The following UBE2W variants were observed in gnomAD, a reference collection of about 807,000 sequenced individuals.
UBE2W encodes the protein ubiquitin-conjugating enzyme E2 W.
In UBE2W, 18 loss-of-function variants were observed where a neutral mutation model predicts 27.2. The ratio of observed to expected loss-of-function variants is 0.66; its 90% CI spans 0.46 to 0.98. UBE2W has a LOEUF of 0.98. Among genes scored for constraint, UBE2W ranks in the 50% least tolerant of loss-of-function variants. The pLI is 0.00. For synonymous variants in UBE2W, 53 were observed against 57.2 expected, an observed-to-expected ratio of 0.93 and a Z score of 0.33; for missense variants, 90 against 180.2, an observed-to-expected ratio of 0.50 and a Z score of 2.87.
chr8:73,781,619 G>GTTTTTT (rs112691687), downstream of UBE2W, among the ~76,000 whole-genome samples: 2 of 140,880 alleles, frequency 1.4e-5, no homozygotes. Context: ...TCAGGTTTGG[G>GTTTTTT]TTTTTTTTTT....
At chr8:73,869,204 G>A (rs1280786131) in intron 1 of UBE2W, among the ~76,000 whole-genome samples, 2 of 152,168 alleles carry the variant, frequency 1.3e-5, no homozygotes, top group Non-Finnish European at 2.9e-5. Context: ...GGCAGGAGGG[G>A]TGCTGAGACT....
intron 2 of UBE2W, among the ~76,000 whole-genome samples, 157 bp downstream of exon 2, chr8:73,830,224 T>TTA (rs894357871): frequency 6.6e-6 from 1 of 152,154 alleles, no homozygotes; most frequent in African/African-American, 2.4e-5. Flanking sequence ...ACAAAATTGA[T>TTA]TATATATATA....
chr8:73,795,264 C>A (rs140631546), intron 5 of UBE2W, among the ~76,000 whole-genome samples: 1 of 152,070 alleles, frequency 6.6e-6, no homozygotes, highest in African/African-American at 2.4e-5. Context: ...GGGAGGTGTT[C>A]GGGTCATGGG....
Position 73,848,724 on chromosome 8 carries a change from T to G in UBE2W, c.16-18252A>C, listed in dbSNP as rs559909569. 3.2e-3 allele frequency among the ~76,000 whole-genome samples: 481 copies of G among 152,222 alleles called. 1 individual carries two copies. Among genetic ancestry groups the G allele is most frequent in the South Asian group, 7.7e-3 (37 of 4,816 alleles). ...AAACAAAAAAGAAATCAGGATGTGA[T>G]TACCTTTAGGAGAGGGAGGAAGTAG... On this transcript the variant is annotated intron_variant, in intron 1 of 5. Transcript: ENST00000602593.
chr8:73,790,900 A>G lies in UBE2W; in HGVS notation c.*3202T>C. 1 of 984,470 alleles carries G rather than the reference A, an allele frequency of 1.0e-6. No individual in the cohort carries two copies. The allele number at this position is 984,470 out of a possible 1,614,324, so 61.0% of individuals were successfully genotyped here. ...TTAGAATCTGAAGAAATTATTATCC[A>G]CCACAGGAATCTAATGATATATATA... On this transcript the variant is annotated 3_prime_UTR_variant, in exon 6 of 6. Transcript: ENST00000602593.
At position 73,787,997 on chromosome 8, in the gene UBE2W, T is replaced by C; in HGVS notation, c.*6105A>G. 2 of 985,448 alleles carry C rather than the reference T, an allele frequency of 2.0e-6. No individual in the cohort carries two copies. Among genetic ancestry groups the C allele is most frequent in the Non-Finnish European group, 2.4e-6 (2 of 829,920 alleles). The allele number at this position is 985,448 out of a possible 1,614,324, so 61.0% of individuals were successfully genotyped here. ...GTTGCACTCATTTTGGAAATGGACA[T>C]GTTCCTGTTTCTATAATCCTTTAAA... On this transcript the variant is annotated 3_prime_UTR_variant, in exon 6 of 6. Transcript: ENST00000602593.
chr8:73,849,107 G>GTGT (rs1460789554), intron 1 of UBE2W, among the ~76,000 whole-genome samples: 1 of 152,160 alleles, frequency 6.6e-6, no homozygotes, highest in African/African-American at 2.4e-5. Context: ...AGCTACAGAG[G>GTGT]TGTTAACACT....
chr8:73,835,301 A>G (rs1810260317), intron 1 of UBE2W, among the ~76,000 whole-genome samples: 1 of 152,094 alleles, frequency 6.6e-6, no homozygotes, highest in Non-Finnish European at 1.5e-5. Flanking sequence ...GACCTATGAT[A>G]GCCAACTTTC....
chr8:73,824,695 C>T (rs1332777083), intron 3 of UBE2W, among the ~76,000 whole-genome samples: 1 of 152,186 alleles, frequency 6.6e-6, no homozygotes, highest in African/African-American at 2.4e-5. Context: ...AAAGAGCGTG[C>T]TATCTAGATC....
Position 73,788,140 on chromosome 8 carries a change from T to A in UBE2W, c.*5962A>T. ...TCTACAGAAAAAATCCAATAACAAC[T>A]GCTTTATTATTAAAAGTTATGAAAT... On this transcript the variant is annotated 3_prime_UTR_variant, in exon 6 of 6. Transcript: ENST00000602593. 1.0e-6 allele frequency: 1 copy of A among 981,320 alleles called. No homozygotes were observed. Among genetic ancestry groups the A allele is most frequent in the Non-Finnish European group, 1.2e-6 (1 of 826,192 alleles). The allele number at this position is 981,320 out of a possible 1,614,324, so 60.8% of individuals were successfully genotyped here. A position where few individuals can be genotyped will look rare whatever the true frequency, so the allele number is the denominator to read the frequency against.
At chr8:73,800,103 T>C (rs7829458) in intron 5 of UBE2W, among the ~76,000 whole-genome samples, 2,203 of 152,236 alleles carry the variant, frequency 0.014, 63 homozygotes, top group African/African-American at 0.05. Context: ...GCTATTCTGA[T>C]ATATATAAAG....
intron 2 of UBE2W, among the ~76,000 whole-genome samples, chr8:73,829,949 C>T (rs1810004902): frequency 6.6e-6 from 1 of 152,116 alleles, no homozygotes; most frequent in Non-Finnish European, 1.5e-5. Context: ...CACACTTTCA[C>T]TTTGTTGCCC....
chr8:73,862,287 T>C (rs1203872346), intron 1 of UBE2W, among the ~76,000 whole-genome samples: 2 of 152,212 alleles, frequency 1.3e-5, no homozygotes, highest in Non-Finnish European at 2.9e-5. Context: ...AAAATAGTTT[T>C]AGGTCTAACG....
intron 5 of UBE2W, among the ~76,000 whole-genome samples, chr8:73,802,757 C>T (rs1281390202): frequency 6.6e-6 from 1 of 152,130 alleles, no homozygotes; most frequent in Non-Finnish European, 1.5e-5. Context: ...GGTGTGGAGG[C>T]TCATGCCTGT....
chr8:73,858,942 T>G (rs1440956611), intron 1 of UBE2W, among the ~76,000 whole-genome samples: 1 of 149,062 alleles, frequency 6.7e-6, no homozygotes, highest in Non-Finnish European at 1.5e-5. Context: ...GTGAGTCTTC[T>G]AAACTGAGCA....
At chr8:73,803,048 T>C (rs936163384) in intron 5 of UBE2W, among the ~76,000 whole-genome samples, 27 of 144,392 alleles carry the variant, frequency 1.9e-4, no homozygotes, top group Non-Finnish European at 1.5e-5. Context: ...TAAACAAAAA[T>C]AAAAATAAAA....
At chr8:73,782,218 A>T (rs1807859408), downstream of UBE2W, among the ~76,000 whole-genome samples, 1 of 151,588 alleles carries the variant, frequency 6.6e-6, no homozygotes, top group Non-Finnish European at 1.5e-5. Flanking sequence ...AAGTACTGGG[A>T]TTACAGGCAT....
chr8:73,810,534 C>T lies in UBE2W; in HGVS notation c.306G>A (p.Ala102=), dbSNP rs200182088. ...LSILTEDWSP[A]LSVQSVCLSI... ...TAAGACAAACTGATTGGACTGAGAG[C>T]GCTGGGGACCAGTCTTCTGTTAGAA... Residue 102 remains alanine (A), a synonymous_variant, in exon 4 of 6, where the codon GCG becomes GCA. Transcript: ENST00000602593. 4.5e-4 allele frequency: 727 copies of T among 1,612,800 alleles called. No homozygotes were observed. Among genetic ancestry groups the T allele is most frequent in the Non-Finnish European group, 5.7e-4 (669 of 1,179,534 alleles).
At chr8:73,785,373 G>T (rs921502516), downstream of UBE2W, among the ~76,000 whole-genome samples, 2 of 151,592 alleles carry the variant, frequency 1.3e-5, no homozygotes, top group African/African-American at 4.8e-5. Context: ...CGACCTCCTG[G>T]CCTCACTGAT....
Sources: allele counts gnomAD v4.1 joint callset (sites outside exome capture counted in the v4.1 genomes callset), GRCh38; gene constraint gnomAD v4.1.1; transcripts MANE v1.5; gene names NCBI Gene and HGNC (gene_info 2026-07-23, HGNC 2026-07-21).